SEC31A: variants seen among roughly 807,000 people sequenced by gnomAD.
The protein encoded by SEC31A is SEC31 homolog A, COPII component, also known as protein transport protein Sec31A.
A neutral mutation model predicts 151.0 loss-of-function variants in SEC31A; 70 were observed. The observed-to-expected ratio is 0.46, with a 90% confidence interval of 0.38 to 0.57. The LOEUF (loss-of-function observed/expected upper bound fraction) is 0.57, where lower values mean the gene tolerates loss of function less well. Ranked by LOEUF, SEC31A falls within the 20% of genes least tolerant of loss-of-function variation. The pLI is 0.00. For missense variants in SEC31A, 1,330 were observed against 1,471.2 expected, an observed-to-expected ratio of 0.90 and a Z score of 1.57; for synonymous variants, 475 against 505.9, an observed-to-expected ratio of 0.94 and a Z score of 0.82.
At chr4:82,820,266 C>T (rs1723057908) in intron 26 of SEC31A, among the ~76,000 whole-genome samples, 1 of 151,720 alleles carries the variant, frequency 6.6e-6, no homozygotes, top group South Asian at 2.1e-4. Context: ...ACTGTGCCCA[C>T]CGAGAAGACT....
Sources: gnomAD v4.1 joint callset for allele counts (sites outside exome capture counted in the v4.1 genomes callset) on GRCh38, gnomAD v4.1.1 for gene constraint, MANE v1.5 for transcripts, NCBI Gene and HGNC (gene_info 2026-07-23, HGNC 2026-07-21) for gene names.